ADAM28: variants seen among roughly 807,000 people sequenced by gnomAD.
ADAM28 encodes the protein disintegrin and metalloproteinase domain-containing protein 28.
A neutral mutation model predicts 101.2 loss-of-function variants in ADAM28; 105 were observed. The ratio of observed to expected loss-of-function variants is 1.04; its 90% CI spans 0.89 to 1.22. The LOEUF (loss-of-function observed/expected upper bound fraction) is 1.22, where lower values mean the gene tolerates loss of function less well. Ranked by LOEUF, ADAM28 falls within the 50% of genes most tolerant of loss-of-function variation. The pLI is 0.00. For synonymous variants in ADAM28, 322 were observed against 310.6 expected, an observed-to-expected ratio of 1.04 and a Z score of -0.39; for missense variants, 1,028 against 945.4, an observed-to-expected ratio of 1.09 and a Z score of -1.15.
At chr8:24,317,445 C>T (rs540832553) in intron 6 of ADAM28, among the ~76,000 whole-genome samples, 2 of 152,072 alleles carry the variant, frequency 1.3e-5, no homozygotes, top group East Asian at 1.9e-4. Context: ...AGGATAGTCT[C>T]TTCAATAAAT....
At chr8:24,343,718 A>T in intron 18 of ADAM28, 134 bp downstream of exon 18, 2 of 753,600 alleles carry the variant, frequency 2.7e-6, no homozygotes, top group Non-Finnish European at 4.3e-6. Context: ...AATCCACAAT[A>T]TTTATCCCCC....
chr8:24,356,226 C>G lies in ADAM28; in HGVS notation c.*1822C>G, dbSNP rs1008565530. On this transcript the variant is annotated 3_prime_UTR_variant, in exon 23 of 23. Coordinates refer to ENST00000265769, the MANE Select transcript of ADAM28 (RefSeq NM_014265.6). ...CTGACCCAGAAATAAATCCCTATTT[C>G]CTGGAAAGCCATTATGTACTCGTGA... 1.3e-5 allele frequency: 2 copies of G among 152,146 alleles called. No individual in the cohort carries two copies. The highest frequency in any genetic ancestry group is 4.8e-5 in the African/African-American group (2 of 41,452). 9.4% of individuals were successfully genotyped at this position (152,146 alleles called of 1,614,324 possible).
intron 8 of ADAM28, among the ~76,000 whole-genome samples, chr8:24,321,921 ACTT>A (rs1190816223): frequency 5.9e-5 from 9 of 151,944 alleles, no homozygotes; most frequent in Non-Finnish European, 1.3e-4. Context: ...TTTAAATACT[ACTT>A]CTTAGTTTTC....
intron 18 of ADAM28, among the ~76,000 whole-genome samples, chr8:24,348,310 A>G (rs1815660973): frequency 6.6e-6 from 1 of 152,156 alleles, no homozygotes; most frequent in African/African-American, 2.4e-5. Context: ...ACATATACCC[A>G]GCAACTCCCA....
chr8:24,354,490 T>G lies in ADAM28; in HGVS notation c.*86T>G. ...ATGGCAGAGAAATATACTATCTATCTCACCAGTATTTGCTCTCGACTCAAG... is the reference window on the plus strand; with the variant it reads ...ATGGCAGAGAAATATACTATCTATCGCACCAGTATTTGCTCTCGACTCAAG... On this transcript the variant is annotated 3_prime_UTR_variant, in exon 23 of 23. Coordinates refer to ENST00000265769, the MANE Select transcript of ADAM28 (RefSeq NM_014265.6). The G allele has an allele frequency of 6.0e-6, 6 of 995,590 alleles. No homozygotes were observed. Among genetic ancestry groups the G allele is most frequent in the Non-Finnish European group, 7.1e-6 (5 of 699,920 alleles). The allele number at this position is 995,590 out of a possible 1,614,324, so 61.7% of individuals were successfully genotyped here.
intron 14 of ADAM28, among the ~76,000 whole-genome samples, chr8:24,336,423 A>G (rs1387042899): frequency 6.6e-6 from 1 of 151,580 alleles, no homozygotes; most frequent in African/African-American, 2.4e-5. Flanking sequence ...CTCTACTAAA[A>G]ATACAAAAAA....
rs535727295 is a variant in ADAM28 at position 24,301,658 on chromosome 8, G to C, written c.150+1581G>C. Among the ~76,000 whole-genome samples the C allele has an allele frequency of 2.5e-4, 38 of 152,266 alleles. No individual in the cohort carries two copies. In the South Asian group the frequency reaches 7.7e-3, roughly 31 times the overall value. ...TTTTCTAGCTAGGATTCAAACCTCT[G>C]TTTGACTCCAAATGACAACTTTATG... On this transcript the variant is annotated intron_variant, in intron 2 of 22. Coordinates refer to ENST00000265769, the MANE Select transcript of ADAM28 (RefSeq NM_014265.6).
chr8:24,337,128 A>G (rs1465211106), intron 14 of ADAM28, among the ~76,000 whole-genome samples: 1 of 152,256 alleles, frequency 6.6e-6, no homozygotes, highest in Non-Finnish European at 1.5e-5. Flanking sequence ...CTTTGGCTAC[A>G]GCGGGTTGAG....
At chr8:24,312,810 C>T (rs186470090) in intron 5 of ADAM28, among the ~76,000 whole-genome samples, 1 of 152,036 alleles carries the variant, frequency 6.6e-6, no homozygotes, top group East Asian at 1.9e-4. Flanking sequence ...TTGAATGAAC[C>T]CTGGTTCAAG....
Position 24,327,357 on chromosome 8 carries a change from G to A in ADAM28, c.972+722G>A, listed in dbSNP as rs570055685. ...GGGATATGAAGGACCTCTTCAAGGA[G>A]AACTACAAACCACTGCTCAAGGAAG... On this transcript the variant is annotated intron_variant, in intron 10 of 22. Transcript: ENST00000265769. 2.0e-5 allele frequency among the ~76,000 whole-genome samples: 3 copies of A among 152,204 alleles called. No homozygotes were observed. The South Asian group carries it at 6.2e-4, about 32-fold the overall frequency.
chr8:24,342,171 C>A (rs1223383210), intron 16 of ADAM28, among the ~76,000 whole-genome samples: 1 of 152,102 alleles, frequency 6.6e-6, no homozygotes, highest in East Asian at 1.9e-4. Flanking sequence ...ATATAATGAA[C>A]TTAAATACGA....
At chr8:24,317,326 A>G (rs978501303) in intron 6 of ADAM28, among the ~76,000 whole-genome samples, 1 of 152,094 alleles carries the variant, frequency 6.6e-6, no homozygotes, top group Non-Finnish European at 1.5e-5. Flanking sequence ...ATAATGGCAT[A>G]AAACCAGACA....
At chr8:24,300,528 G>A (rs1198949321) in intron 2 of ADAM28, among the ~76,000 whole-genome samples, 4 of 151,750 alleles carry the variant, frequency 2.6e-5, no homozygotes, top group Non-Finnish European at 5.9e-5. Flanking sequence ...GCCATTCTCC[G>A]CCTCAGCCTC....
rs1815879050 is a variant in ADAM28 at position 24,349,973 on chromosome 8, G to A, written c.2099+1G>A. The A allele has an allele frequency of 1.2e-6, 2 of 1,612,930 alleles. No individual in the cohort carries two copies. Among genetic ancestry groups the A allele is most frequent in the Non-Finnish European group, 8.5e-7 (1 of 1,179,280 alleles). On this transcript the variant is annotated splice_donor_variant, in intron 19 of 22. Transcript: ENST00000265769. LOFTEE classifies it high-confidence loss of function. ...GAGAAAAGCAGAAGAAAGATCAGAGGTGATCCTTTATCTTATCTTGCTGTA... is the reference window on the plus strand; with the variant it reads ...GAGAAAAGCAGAAGAAAGATCAGAGATGATCCTTTATCTTATCTTGCTGTA...
At chr8:24,315,886 C>T (rs1236741903) in intron 6 of ADAM28, among the ~76,000 whole-genome samples, 2 of 151,796 alleles carry the variant, frequency 1.3e-5, no homozygotes, top group Non-Finnish European at 1.5e-5. Context: ...TCAATTATAT[C>T]AACAGACTGA....
At chr8:24,297,162 T>G (rs533887897) in intron 1 of ADAM28, among the ~76,000 whole-genome samples, 102 of 148,782 alleles carry the variant, frequency 6.9e-4, no homozygotes, top group African/African-American at 2.1e-3. Flanking sequence ...GTTGTGGGTT[T>G]TTTTTTGTTG....
At chr8:24,353,715 A>G in intron 21 of ADAM28, 55 bp from the exon 22 acceptor site, 1 of 1,111,702 alleles carries the variant, frequency 9.0e-7, no homozygotes, top group Admixed American at 1.8e-5. Context: ...TATAGCTAAG[A>G]TGGGACAAGC....
intron 2 of ADAM28, chr8:24,301,046 C>T (rs1440598999): frequency 6.6e-6 from 1 of 152,146 alleles, no homozygotes; most frequent in African/African-American, 2.4e-5. Context: ...TAATTACCTG[C>T]ACTCTTAAGT....
intron 13 of ADAM28, among the ~76,000 whole-genome samples, chr8:24,334,515 A>C (rs929163467): frequency 6.6e-6 from 1 of 152,152 alleles, no homozygotes; most frequent in Admixed American, 6.6e-5. Flanking sequence ...TTTTAGACAG[A>C]AGAGATTTAG....
Sources: allele counts gnomAD v4.1 joint callset (sites outside exome capture counted in the v4.1 genomes callset), GRCh38; gene constraint gnomAD v4.1.1; transcripts MANE v1.5; gene names NCBI Gene and HGNC (gene_info 2026-07-23, HGNC 2026-07-21).